The following FARS2 variants were observed in gnomAD, a reference collection of about 807,000 sequenced individuals.
FARS2 encodes the protein phenylalanyl-tRNA synthetase 2, mitochondrial, also known as phenylalanine--tRNA ligase, mitochondrial.
A neutral mutation model predicts 46.4 loss-of-function variants in FARS2; 40 were observed. The ratio of observed to expected loss-of-function variants is 0.86; its 90% CI spans 0.67 to 1.12. The LOEUF (loss-of-function observed/expected upper bound fraction) is 1.12. FARS2 is among the 50% of genes most tolerant of loss of function. The pLI is 0.00. For missense variants in FARS2, 513 were observed against 567.9 expected, an observed-to-expected ratio of 0.90 and a Z score of 0.98; for synonymous variants, 234 against 214.9, an observed-to-expected ratio of 1.09 and a Z score of -0.78.
chr6:5,719,230 A>C (rs1009229514), intron 6 of FARS2, among the ~76,000 whole-genome samples: 1 of 151,838 alleles, frequency 6.6e-6, no homozygotes, highest in African/African-American at 2.4e-5. Context: ...AGGAAATTTA[A>C]AAATTAGCTG....
At chr6:5,490,893 G>T (rs546898899) in intron 4 of FARS2, among the ~76,000 whole-genome samples, 20 of 152,296 alleles carry the variant, frequency 1.3e-4, no homozygotes, top group South Asian at 2.1e-4. Flanking sequence ...TGCAGCCTCA[G>T]GGGACCTCTT....
intron 1 of FARS2, among the ~76,000 whole-genome samples, chr6:5,353,726 G>GTTTTTTTTTTTTTTTTTTTTTT (rs55998904): frequency 5.0e-5 from 2 of 40,388 alleles, no homozygotes; most frequent in Admixed American, 3.9e-4. Flanking sequence ...AATATTTGGT[G>GTTTTTTTTTTTTTTTTTTTTTT]TTTTTTTTTT....
chr6:5,466,775 CCTGGTGATT>C, intron 4 of FARS2: 1 of 979,998 alleles, frequency 1.0e-6, no homozygotes, highest in African/African-American at 1.7e-5. Flanking sequence ...AAGCAGCACC[CCTGGTGATT>C]CTGGTGCAGG....
At chr6:5,405,642 A>G (rs1036084232) in intron 3 of FARS2, among the ~76,000 whole-genome samples, 6 of 151,572 alleles carry the variant, frequency 4.0e-5, no homozygotes, top group East Asian at 3.9e-4. Flanking sequence ...ACAGGCGCCC[A>G]CCACCACGCC....
At chr6:5,534,837 G>A (rs776913457) in intron 4 of FARS2, among the ~76,000 whole-genome samples, 10 of 150,672 alleles carry the variant, frequency 6.6e-5, no homozygotes, top group East Asian at 5.9e-4. Flanking sequence ...GCACACACAC[G>A]CACGCATACA....
intron 6 of FARS2, among the ~76,000 whole-genome samples, chr6:5,703,792 G>A (rs546137911): frequency 3.3e-5 from 5 of 152,274 alleles, no homozygotes; most frequent in South Asian, 2.1e-4. Flanking sequence ...TGTTCAGTCC[G>A]TCCTGTATCC....
chr6:5,436,912 A>T (rs574931536), intron 4 of FARS2, among the ~76,000 whole-genome samples: 3 of 152,338 alleles, frequency 2.0e-5, no homozygotes, highest in African/African-American at 7.2e-5. Context: ...TTTTTGGGAT[A>T]TAATTGAAGT....
chr6:5,420,565 A>T (rs928952259), intron 3 of FARS2, among the ~76,000 whole-genome samples: 2 of 152,224 alleles, frequency 1.3e-5, no homozygotes, highest in African/African-American at 4.8e-5. Flanking sequence ...GCAAGTGTGA[A>T]ATCCAGTGGG....
intron 5 of FARS2, among the ~76,000 whole-genome samples, chr6:5,602,031 T>G (rs189796389): frequency 6.6e-6 from 1 of 151,882 alleles, no homozygotes; most frequent in Non-Finnish European, 1.5e-5. Flanking sequence ...ATTTCTGAGC[T>G]GAGAAAGAAA....
At chr6:5,619,536 A>AG (rs1775655580) in intron 6 of FARS2, among the ~76,000 whole-genome samples, 1 of 152,194 alleles carries the variant, frequency 6.6e-6, no homozygotes, top group Admixed American at 6.5e-5. Context: ...AGGTCACTAA[A>AG]GGGGCCTCTC....
At chr6:5,556,392 C>T (rs922941888) in intron 5 of FARS2, among the ~76,000 whole-genome samples, 4 of 151,886 alleles carry the variant, frequency 2.6e-5, no homozygotes, top group Admixed American at 6.6e-5. Context: ...GTTCTGAGAG[C>T]GGCAGCCACA....
intron 3 of FARS2, among the ~76,000 whole-genome samples, chr6:5,405,884 C>A (rs1229161449): frequency 6.6e-6 from 1 of 152,102 alleles, no homozygotes; most frequent in East Asian, 1.9e-4. Context: ...AGTATATTAA[C>A]AGTATATTAT....
intron 6 of FARS2, among the ~76,000 whole-genome samples, chr6:5,750,285 T>C (rs61187836): frequency 0.089 from 13,489 of 151,802 alleles, 1,131 homozygotes; most frequent in East Asian, 0.31. Context: ...GGGCAGGATA[T>C]AGAGGAAGGG....
chr6:5,743,155 A>G (rs558779408), intron 6 of FARS2, among the ~76,000 whole-genome samples: 46 of 152,202 alleles, frequency 3.0e-4, no homozygotes, highest in Non-Finnish European at 6.3e-4. Context: ...TCTCTTGGGA[A>G]CCTTTAAGGA....
chr6:5,418,767 T>G (rs713513), intron 3 of FARS2, among the ~76,000 whole-genome samples: 80,506 of 152,034 alleles, frequency 0.53, 21,507 homozygotes, highest in South Asian at 0.6. Flanking sequence ...CAAGGAGACT[T>G]TTGGGCTCTC....
Position 5,753,886 on chromosome 6 carries a change from G to C in FARS2, c.1218-17405G>C, listed in dbSNP as rs1270711990. ...CCTGCCTACATGTCACATGCAGCTA[G>C]AGGGGCTCACAGGCCAGGAATAGTA... On this transcript the variant is annotated intron_variant, in intron 6 of 6. Coordinates refer to ENST00000274680, the MANE Select transcript of FARS2 (RefSeq NM_006567.5). Among the ~76,000 whole-genome samples, 4 of 152,326 alleles carry C rather than the reference G, an allele frequency of 2.6e-5. No individual in the cohort carries two copies. The East Asian group carries it at 7.7e-4, about 29-fold the overall frequency.
intron 1 of FARS2, among the ~76,000 whole-genome samples, chr6:5,305,579 C>T (rs1367998056): frequency 6.6e-6 from 1 of 152,144 alleles, no homozygotes; most frequent in Non-Finnish European, 1.5e-5. Context: ...TGAATGAGAC[C>T]TCCTTGTTTT....
chr6:5,432,349 T>C (rs1322509827), intron 4 of FARS2, among the ~76,000 whole-genome samples: 2,303 of 31,906 alleles, frequency 0.072, 46 homozygotes, highest in South Asian at 0.19. Context: ...TATATATATA[T>C]ATTATATATA....
chr6:5,563,086 G>T (rs540297860), intron 5 of FARS2, among the ~76,000 whole-genome samples: 7 of 138,666 alleles, frequency 5.0e-5, no homozygotes, highest in Admixed American at 2.3e-4. Flanking sequence ...AGAGACAGAG[G>T]GAGGGGGGCT....
Sources: allele counts gnomAD v4.1 joint callset (sites outside exome capture counted in the v4.1 genomes callset), GRCh38; gene constraint gnomAD v4.1.1; transcripts MANE v1.5; gene names NCBI Gene and HGNC (gene_info 2026-07-23, HGNC 2026-07-21).